Variants in MGAT4C observed in about 807,000 individuals in gnomAD.
MGAT4C encodes MGAT4 family member C.
In MGAT4C, 19 loss-of-function variants were observed where a neutral mutation model predicts 40.1. That is an observed-to-expected ratio of 0.47 (90% confidence interval 0.33 to 0.70). The LOEUF is 0.70. Ranked by LOEUF, MGAT4C falls within the 30% of genes least tolerant of loss-of-function variation. The pLI is 0.02. For synonymous variants in MGAT4C, 181 were observed against 187.1 expected (o/e 0.97, Z 0.27); for missense variants, 491 against 563.2 (o/e 0.87, Z 1.30).
chr12:86,589,624 C>G (rs1961234064), intron 2 of MGAT4C, among the ~76,000 whole-genome samples: 1 of 152,036 alleles, frequency 6.6e-6, no homozygotes, highest in Admixed American at 6.6e-5. Context: ...AGACCAATAT[C>G]CTTGATGAAC....
chr12:86,526,810 C>G (rs996807869), intron 2 of MGAT4C, among the ~76,000 whole-genome samples: 1 of 152,184 alleles, frequency 6.6e-6, no homozygotes, highest in African/African-American at 2.4e-5. Flanking sequence ...CTTGCTGCCC[C>G]TACAACTTCT....
At chr12:86,775,929 T>C (rs1951741074) in intron 1 of MGAT4C, among the ~76,000 whole-genome samples, 1 of 152,074 alleles carries the variant, frequency 6.6e-6, no homozygotes. Context: ...TATTGCACAA[T>C]AGATTTGTTT....
intron 2 of MGAT4C, among the ~76,000 whole-genome samples, chr12:86,494,421 G>T (rs1433575484): frequency 1.3e-5 from 2 of 151,612 alleles, no homozygotes; most frequent in Admixed American, 1.3e-4. Flanking sequence ...TTAGCCCCAT[G>T]TCTTTCTCTC....
At chr12:86,807,694 T>A (rs893478867) in intron 1 of MGAT4C, among the ~76,000 whole-genome samples, 2 of 152,116 alleles carry the variant, frequency 1.3e-5, no homozygotes, top group African/African-American at 4.8e-5. Context: ...CTTTGGGGAA[T>A]CCCCGCACTG....
At chr12:86,502,111 G>A (rs1037570886) in intron 2 of MGAT4C, among the ~76,000 whole-genome samples, 21 of 152,074 alleles carry the variant, frequency 1.4e-4, no homozygotes, top group Middle Eastern at 3.2e-3. Flanking sequence ...TGAATGAACA[G>A]TCTGTGTATC....
At chr12:86,075,972 G>A (rs1206597179) in intron 1 of MGAT4C, among the ~76,000 whole-genome samples, 1 of 152,190 alleles carries the variant, frequency 6.6e-6, no homozygotes. Context: ...GCAAATTTCT[G>A]CAGTCAGCTG....
At chr12:86,416,422 A>G (rs1956716180) in intron 3 of MGAT4C, among the ~76,000 whole-genome samples, 1 of 152,128 alleles carries the variant, frequency 6.6e-6, no homozygotes, top group South Asian at 2.1e-4. Context: ...ACTGTCATAC[A>G]AAACAGAAGA....
At chr12:86,582,239 C>T (rs1960811782) in intron 2 of MGAT4C, among the ~76,000 whole-genome samples, 1 of 151,434 alleles carries the variant, frequency 6.6e-6, no homozygotes, top group Admixed American at 6.6e-5. Context: ...CTGATAACAA[C>T]AACAAAGTCT....
intron 2 of MGAT4C, among the ~76,000 whole-genome samples, chr12:86,461,779 G>C (rs1423217180): frequency 6.6e-6 from 1 of 152,080 alleles, no homozygotes; most frequent in Non-Finnish European, 1.5e-5. Flanking sequence ...CAAAATGGGG[G>C]TGGTCAGAAT....
intron 2 of MGAT4C, among the ~76,000 whole-genome samples, chr12:86,692,806 G>C (rs1348161041): frequency 6.6e-6 from 1 of 152,152 alleles, no homozygotes; most frequent in Admixed American, 6.5e-5. Context: ...TAGTCTTTTT[G>C]ATGAAGAGTG....
intron 2 of MGAT4C, among the ~76,000 whole-genome samples, chr12:86,557,728 G>C (rs1959680418): frequency 6.6e-6 from 1 of 152,106 alleles, no homozygotes; most frequent in Non-Finnish European, 1.5e-5. Context: ...GTATGAAAAA[G>C]TGTTTCTCTA....
chr12:86,520,592 G>C (rs1048669754), intron 2 of MGAT4C, among the ~76,000 whole-genome samples: 1 of 152,130 alleles, frequency 6.6e-6, no homozygotes, highest in African/African-American at 2.4e-5. Context: ...CATATACTCA[G>C]TAATTGGATT....
intron 1 of MGAT4C, among the ~76,000 whole-genome samples, chr12:86,081,402 G>A (rs1257897613): frequency 6.6e-6 from 1 of 152,098 alleles, no homozygotes; most frequent in East Asian, 1.9e-4. Context: ...AGAAATTAGG[G>A]ACCTCATTTT....
intron 2 of MGAT4C, among the ~76,000 whole-genome samples, chr12:86,013,354 C>T (rs1333317553): frequency 6.6e-6 from 1 of 152,018 alleles, no homozygotes; most frequent in East Asian, 1.9e-4. Context: ...CCCGGGTTCA[C>T]GACATTCTCC....
At chr12:86,697,975 G>A (rs889212575) in intron 2 of MGAT4C, among the ~76,000 whole-genome samples, 6 of 151,962 alleles carry the variant, frequency 3.9e-5, no homozygotes, top group Admixed American at 2.6e-4. Context: ...TTAAATAGAT[G>A]TATTATATTT....
chr12:86,259,823 A>G (rs148930592), upstream of MGAT4C, among the ~76,000 whole-genome samples: 2 of 6,202 alleles, frequency 3.2e-4, no homozygotes, highest in Admixed American at 1.7e-3. Flanking sequence ...AATAGTTTTC[A>G]TAACTCAGCA....
chr12:86,424,898 A>C (rs1365479135), intron 3 of MGAT4C, among the ~76,000 whole-genome samples: 7 of 152,152 alleles, frequency 4.6e-5, no homozygotes, highest in African/African-American at 1.7e-4. Flanking sequence ...CTGGGACTAC[A>C]GGTGCGTGCT....
chr12:86,818,642 A>T lies in MGAT4C; in HGVS notation c.-262+20024T>A, dbSNP rs144712229. On this transcript the variant is annotated intron_variant, in intron 1 of 7. Transcript: ENST00000548651. ...GAATAAATCCACATGTATACATTCA[A>T]CAGGGAAAAAAATAAACTCAAATAA... Among the ~76,000 whole-genome samples the T allele has an allele frequency of 9.1e-3, 1,371 of 151,256 alleles. 8 individuals carry two copies. The highest frequency in any genetic ancestry group is 0.02 in the Middle Eastern group (6 of 294).
intron 1 of MGAT4C, among the ~76,000 whole-genome samples, chr12:86,749,717 G>A (rs912403149): frequency 7.9e-5 from 12 of 151,856 alleles, no homozygotes; most frequent in Non-Finnish European, 1.3e-4. Context: ...ATTGTGCAGT[G>A]TGAAAATAAA....
Sources: gnomAD v4.1 joint callset for allele counts (sites outside exome capture counted in the v4.1 genomes callset) on GRCh38, gnomAD v4.1.1 for gene constraint, MANE v1.5 for transcripts, NCBI Gene and HGNC (gene_info 2026-07-23, HGNC 2026-07-21) for gene names.